CDC42BPA: variants seen among roughly 807,000 people sequenced by gnomAD.
CDC42BPA encodes serine/threonine-protein kinase MRCK alpha.
Under a neutral mutation model 223.5 loss-of-function variants are expected in CDC42BPA, and 80 were observed. The observed-to-expected ratio is 0.36, with a 90% CI of 0.30 to 0.43. The LOEUF (loss-of-function observed/expected upper bound fraction) is 0.43. CDC42BPA is among the 20% of genes least tolerant of loss of function. The pLI is 1.00. For missense variants in CDC42BPA, 1,743 were observed against 2,099.9 expected, an observed-to-expected ratio of 0.83 and a Z score of 3.32; for synonymous variants, 694 against 718.6, an observed-to-expected ratio of 0.97 and a Z score of 0.55.
chr1:227,164,003 T>C (rs1664582673), intron 5 of CDC42BPA, among the ~76,000 whole-genome samples: 1 of 152,132 alleles, frequency 6.6e-6, no homozygotes, highest in Non-Finnish European at 1.5e-5. Flanking sequence ...GTCATAAATT[T>C]AGTGGGTTTG....
intron 14 of CDC42BPA, among the ~76,000 whole-genome samples, chr1:227,101,849 T>G (rs538222535): frequency 6.6e-6 from 1 of 152,276 alleles, no homozygotes; most frequent in African/African-American, 2.4e-5. Flanking sequence ...GAAATCTACC[T>G]TTTTAGAAAT....
chr1:227,029,712 A>G (rs1010633615), intron 29 of CDC42BPA, among the ~76,000 whole-genome samples: 3 of 152,226 alleles, frequency 2.0e-5, no homozygotes, highest in African/African-American at 7.2e-5. Context: ...TATTTCACCC[A>G]GCATTTAGTT....
At chr1:227,016,347 T>C (rs1666247397) in intron 33 of CDC42BPA, 150 bp from the exon 34 acceptor site, 1 of 611,336 alleles carries the variant, frequency 1.6e-6, no homozygotes, top group Non-Finnish European at 2.9e-6. Context: ...CAATTAAAAA[T>C]GTACTTCCTT....
At chr1:227,279,809 C>G (rs749671182) in intron 1 of CDC42BPA, among the ~76,000 whole-genome samples, 2 of 152,126 alleles carry the variant, frequency 1.3e-5, no homozygotes, top group Non-Finnish European at 2.9e-5. Context: ...GTAATCCCAG[C>G]ACTTTGGGAA....
intron 19 of CDC42BPA, among the ~76,000 whole-genome samples, 169 bp downstream of exon 19, chr1:227,073,695 A>T (rs1368483491): frequency 6.6e-6 from 1 of 152,178 alleles, no homozygotes; most frequent in Non-Finnish European, 1.5e-5. Flanking sequence ...TTAAAACCTC[A>T]TCACTATCTA....
chr1:227,202,014 C>T (rs1280789738), intron 3 of CDC42BPA, among the ~76,000 whole-genome samples: 1 of 152,052 alleles, frequency 6.6e-6, no homozygotes, highest in Non-Finnish European at 1.5e-5. Context: ...TCTTTTTTCT[C>T]GCTCTGTCGC....
chr1:227,089,640 T>C (rs989902346), intron 16 of CDC42BPA, among the ~76,000 whole-genome samples: 1 of 141,324 alleles, frequency 7.1e-6, no homozygotes, highest in Admixed American at 7.0e-5. Context: ...TTTTTTTTTT[T>C]TTTTTTTTTT....
intron 1 of CDC42BPA, chr1:227,265,161 A>G (rs1187738086): frequency 4.3e-6 from 3 of 699,908 alleles, no homozygotes; most frequent in Non-Finnish European, 8.0e-6. Flanking sequence ...CCACTTCCAC[A>G]GTGGTAGGAA....
intron 2 of CDC42BPA, among the ~76,000 whole-genome samples, chr1:227,237,045 C>CA (rs11447987): frequency 0.37 from 31,114 of 84,608 alleles, 6,036 homozygotes; most frequent in East Asian, 0.48. Flanking sequence ...CCGGTCTCCA[C>CA]AAAAAAAAAA....
chr1:226,998,659 G>T (rs956712855), intron 35 of CDC42BPA, among the ~76,000 whole-genome samples: 10 of 152,172 alleles, frequency 6.6e-5, no homozygotes, highest in Non-Finnish European at 1.0e-4. Flanking sequence ...ATGGATTAAA[G>T]ATTTAAACAT....
chr1:227,100,960 A>G (rs1684943873), intron 15 of CDC42BPA, 32 bp downstream of exon 15: 1 of 1,306,162 alleles, frequency 7.7e-7, no homozygotes, highest in South Asian at 1.3e-5. Flanking sequence ...CTCAGTAAGT[A>G]TTTACTGTAT....
At chr1:227,270,185 CA>C (rs1685735328) in intron 1 of CDC42BPA, among the ~76,000 whole-genome samples, 1 of 152,024 alleles carries the variant, frequency 6.6e-6, no homozygotes, top group African/African-American at 2.4e-5. Context: ...ATGAAAAAAG[CA>C]GTCACATAAA....
chr1:227,263,104 A>C (rs1684368142), intron 1 of CDC42BPA, among the ~76,000 whole-genome samples: 1 of 152,044 alleles, frequency 6.6e-6, no homozygotes, highest in Non-Finnish European at 1.5e-5. Flanking sequence ...ATGGTGGCAC[A>C]CGCCTGTAAT....
At chr1:227,240,692 C>CA (rs35377176) in intron 2 of CDC42BPA, among the ~76,000 whole-genome samples, 25,394 of 140,612 alleles carry the variant, frequency 0.18, 2,161 homozygotes, top group Middle Eastern at 0.22. Flanking sequence ...GCTACAAATA[C>CA]AAAAAAAAAA....
chr1:227,218,854 A>G (rs1675344574), intron 2 of CDC42BPA, among the ~76,000 whole-genome samples: 1 of 152,230 alleles, frequency 6.6e-6, no homozygotes, highest in African/African-American at 2.4e-5. Context: ...GGAACTAAAT[A>G]TTATCTTTAA....
intron 10 of CDC42BPA, among the ~76,000 whole-genome samples, chr1:227,131,834 C>T (rs1260008296): frequency 6.6e-6 from 1 of 152,188 alleles, no homozygotes; most frequent in Non-Finnish European, 1.5e-5. Flanking sequence ...CTCACATCTG[C>T]AGCCCAAAAC....
chr1:227,312,644 G>A (rs1368621929), intron 1 of CDC42BPA, among the ~76,000 whole-genome samples: 2 of 152,078 alleles, frequency 1.3e-5, no homozygotes, highest in Non-Finnish European at 2.9e-5. Flanking sequence ...CTTGAGCCCA[G>A]GAGTTCAAGA....
chr1:227,057,695 C>T (rs1167834064), intron 21 of CDC42BPA, among the ~76,000 whole-genome samples: 2 of 152,078 alleles, frequency 1.3e-5, no homozygotes, highest in Non-Finnish European at 2.9e-5. Flanking sequence ...ATTATATCTA[C>T]GTTTAAAATA....
intron 22 of CDC42BPA, 22 bp from the exon 23 acceptor site, chr1:227,048,032 GAAAT>G (rs1489482681): frequency 2.1e-6 from 3 of 1,436,956 alleles, no homozygotes; most frequent in Non-Finnish European, 2.9e-6. Flanking sequence ...AGCAAAAAAG[GAAAT>G]AAATGTCATG....
Sources: allele counts gnomAD v4.1 joint callset (sites outside exome capture counted in the v4.1 genomes callset), GRCh38; gene constraint gnomAD v4.1.1; transcripts MANE v1.5; gene names NCBI Gene and HGNC (gene_info 2026-07-23, HGNC 2026-07-21).